The following MYT1L variants were observed in gnomAD, a reference collection of about 807,000 sequenced individuals.
MYT1L encodes myelin transcription factor 1-like protein.
Under a neutral mutation model 126.7 loss-of-function variants are expected in MYT1L, and 12 were observed. The ratio of observed to expected loss-of-function variants is 0.09; its 90% CI spans 0.06 to 0.15. The LOEUF (loss-of-function observed/expected upper bound fraction) is 0.15, where lower values mean the gene tolerates loss of function less well. Ranked by LOEUF, MYT1L falls within the 10% of genes least tolerant of loss-of-function variation. The pLI is 1.00. For missense variants in MYT1L, 979 were observed against 1,585.2 expected (o/e 0.62, Z 6.49); for synonymous variants, 541 against 604.2 (o/e 0.90, Z 1.53).
At chr2:1,960,788 C>T (rs1442438591) in intron 8 of MYT1L, among the ~76,000 whole-genome samples, 1 of 151,762 alleles carries the variant, frequency 6.6e-6, no homozygotes, top group African/African-American at 2.4e-5. Flanking sequence ...CACAATGCAC[C>T]TGCCTCCCTG....
At chr2:1,952,055 A>AT (rs1282245593) in intron 8 of MYT1L, among the ~76,000 whole-genome samples, 1 of 152,154 alleles carries the variant, frequency 6.6e-6, no homozygotes, top group Admixed American at 6.5e-5. Context: ...TTTTAAAGTT[A>AT]TTTTTTCTCT....
chr2:2,146,054 T>G (rs1482869901), intron 3 of MYT1L, among the ~76,000 whole-genome samples: 2 of 152,208 alleles, frequency 1.3e-5, no homozygotes, highest in African/African-American at 2.4e-5. Flanking sequence ...TACCATTGTC[T>G]AAGGACTGTG....
chr2:2,322,135 C>A (rs953685418), intron 1 of MYT1L, among the ~76,000 whole-genome samples: 2 of 151,734 alleles, frequency 1.3e-5, no homozygotes, highest in East Asian at 1.9e-4. Context: ...AGTCAAATAA[C>A]CTTTTGAATA....
At chr2:2,159,038 A>C (rs1181523976) in intron 3 of MYT1L, among the ~76,000 whole-genome samples, 1 of 152,182 alleles carries the variant, frequency 6.6e-6, no homozygotes, top group African/African-American at 2.4e-5. Flanking sequence ...TAAAACACTC[A>C]GTGCATCATG....
At chr2:2,174,655 A>C (rs931570713) in intron 2 of MYT1L, among the ~76,000 whole-genome samples, 1 of 152,030 alleles carries the variant, frequency 6.6e-6, no homozygotes, top group Non-Finnish European at 1.5e-5. Flanking sequence ...GACCTTTTTA[A>C]CTGGGTCCCT....
Position 1,793,274 on chromosome 2 carries a change from T to C in MYT1L, c.3277-810A>G, listed in dbSNP as rs982985771. Among the ~76,000 whole-genome samples the C allele has an allele frequency of 9.9e-5, 15 of 152,204 alleles. No individual in the cohort carries two copies. The highest frequency in any genetic ancestry group is 3.6e-4 in the African/African-American group (15 of 41,450). On this transcript the variant is annotated intron_variant, in intron 23 of 24. Coordinates refer to ENST00000647738, the MANE Select transcript of MYT1L (RefSeq NM_001303052.2). The surrounding 1 kb of genome is among the most constrained non-coding windows in gnomAD (Gnocchi z 4.6). The stretch of plus-strand genomic sequence containing the variant: ...TATCACCAAGGTCAAGGGGCTTGAG[T>C]TCAGGGCCTCTGCCTATAACCGCAC...
intron 9 of MYT1L, among the ~76,000 whole-genome samples, chr2:1,933,911 A>AT (rs2055362888): frequency 1.3e-5 from 2 of 151,586 alleles, no homozygotes; most frequent in Non-Finnish European, 2.9e-5. Context: ...AGGGTTTGCC[A>AT]TGTTGGCCAG....
chr2:2,001,057 T>C (rs563164045), intron 4 of MYT1L, among the ~76,000 whole-genome samples: 1 of 152,306 alleles, frequency 6.6e-6, no homozygotes, highest in Admixed American at 6.5e-5. Context: ...GTCAACCTTT[T>C]TTCATTCTTA....
chr2:1,909,648 T>TTGACCCA (rs956624158), intron 13 of MYT1L, among the ~76,000 whole-genome samples: 1 of 152,340 alleles, frequency 6.6e-6, no homozygotes, highest in East Asian at 1.9e-4. Flanking sequence ...GTAACACTGA[T>TTGACCCA]TGACCCACTG....
intron 4 of MYT1L, among the ~76,000 whole-genome samples, chr2:2,029,453 C>T (rs1236221642): frequency 6.6e-6 from 1 of 152,176 alleles, no homozygotes; most frequent in Non-Finnish European, 1.5e-5. Flanking sequence ...ATTTATAAAA[C>T]CATCAGATCT....
chr2:2,052,450 A>G (rs1364691891), intron 4 of MYT1L, among the ~76,000 whole-genome samples: 1 of 152,200 alleles, frequency 6.6e-6, no homozygotes, highest in East Asian at 1.9e-4. Context: ...TCAAAACTTA[A>G]AACAACGAAA....
At chr2:1,888,247 G>GTTTA (rs1318746335) in intron 16 of MYT1L, among the ~76,000 whole-genome samples, 8 of 152,166 alleles carry the variant, frequency 5.3e-5, no homozygotes, top group Non-Finnish European at 1.2e-4. Flanking sequence ...TGTCATTTTA[G>GTTTA]GAGGGCTTAC....
At position 2,102,933 on chromosome 2, in the gene MYT1L, T is replaced by G. The variant is rs892553751; in HGVS notation, c.-303-48810A>C. 2.0e-5 allele frequency among the ~76,000 whole-genome samples: 3 copies of G among 151,786 alleles called. No individual in the cohort carries two copies. The East Asian group carries it at 5.8e-4, about 29-fold the overall frequency. ...CAAATTATATTAATATATAATGTCA[T>G]AACACTTAAAAAAAAAAGCCTTGAA... is the stretch of plus-strand genomic sequence containing the variant. On this transcript the variant is annotated intron_variant, in intron 3 of 24. Transcript: ENST00000647738.
intron 3 of MYT1L, among the ~76,000 whole-genome samples, chr2:2,068,708 T>C (rs889793501): frequency 2.1e-5 from 3 of 145,784 alleles, no homozygotes; most frequent in Non-Finnish European, 4.5e-5. Flanking sequence ...TTTATTTTAA[T>C]GATCCAACAG....
At chr2:2,152,223 GA>G (rs1357920753) in intron 3 of MYT1L, among the ~76,000 whole-genome samples, 6 of 152,268 alleles carry the variant, frequency 3.9e-5, no homozygotes. Flanking sequence ...AGCCACTAGG[GA>G]CGAACTGCTG....
At chr2:2,095,193 TGA>T (rs2077318963) in intron 3 of MYT1L, among the ~76,000 whole-genome samples, 1 of 152,206 alleles carries the variant, frequency 6.6e-6, no homozygotes, top group Non-Finnish European at 1.5e-5. Context: ...AAGCCAGGGC[TGA>T]GTTTCCCGTT....
At chr2:2,156,060 G>T (rs1255596129) in intron 3 of MYT1L, among the ~76,000 whole-genome samples, 3 of 152,116 alleles carry the variant, frequency 2.0e-5, no homozygotes, top group African/African-American at 7.2e-5. Flanking sequence ...TATGTAGGTG[G>T]ATAAATAAAT....
chr2:1,857,987 C>A (rs1175426592), intron 18 of MYT1L, among the ~76,000 whole-genome samples: 1 of 152,064 alleles, frequency 6.6e-6, no homozygotes, highest in East Asian at 1.9e-4. Context: ...CTCAGCCTTC[C>A]CAGCAGCTGG....
intron 2 of MYT1L, among the ~76,000 whole-genome samples, chr2:2,247,569 G>A (rs567102361): frequency 6.6e-6 from 1 of 152,128 alleles, no homozygotes; most frequent in Admixed American, 6.5e-5. Context: ...AATGGCTACA[G>A]AATACACATT....
Sources: allele counts gnomAD v4.1 joint callset (sites outside exome capture counted in the v4.1 genomes callset), GRCh38; gene constraint gnomAD v4.1.1; non-coding constraint Gnocchi (gnomAD v3.1); transcripts MANE v1.5; gene names NCBI Gene and HGNC (gene_info 2026-07-23, HGNC 2026-07-21).